The following EDN1 variants were observed in gnomAD, a reference collection of about 807,000 sequenced individuals.
EDN1 encodes the protein endothelin 1.
A neutral mutation model predicts 21.7 loss-of-function variants in EDN1; 11 were observed. The ratio of observed to expected loss-of-function variants is 0.51; its 90% CI spans 0.32 to 0.84. The LOEUF (loss-of-function observed/expected upper bound fraction) is 0.84. EDN1 is among the 40% of genes least tolerant of loss of function. The pLI, the probability that EDN1 is intolerant of heterozygous loss-of-function variation, is 0.03. For missense variants in EDN1, 244 were observed against 262.3 expected (o/e 0.93, Z 0.48); for synonymous variants, 85 against 90.6 (o/e 0.94, Z 0.35).
chr6:12,284,759 GAAAGAAAGAAA>G, the EDN1 span, among the ~76,000 whole-genome samples: 2 of 149,786 alleles, frequency 1.3e-5, no homozygotes, highest in Non-Finnish European at 3.0e-5. Context: ...AAGAAAGAAA[GAAAGAAAGAAA>G]GAAAGAAAGA....
At chr6:12,251,369 C>T in the EDN1 span, among the ~76,000 whole-genome samples, 1 of 152,158 alleles carries the variant, frequency 6.6e-6, no homozygotes, top group East Asian at 1.9e-4. Flanking sequence ...CACTATTTAA[C>T]GTGAATCAAT....
At chr6:12,270,524 C>A in the EDN1 span, among the ~76,000 whole-genome samples, 10 of 151,814 alleles carry the variant, frequency 6.6e-5, no homozygotes, top group African/African-American at 2.4e-4. Flanking sequence ...TTTTTAATTT[C>A]TTTATTGACC....
chr6:12,238,221 T>A, the EDN1 span, among the ~76,000 whole-genome samples: 1 of 151,488 alleles, frequency 6.6e-6, no homozygotes. Flanking sequence ...GAAAACCAAT[T>A]TAAGTCCGTG....
chr6:12,296,373 G>A lies in EDN1; in HGVS notation c.*306G>A. ...TGGCATCCTCCGGAGAGAGAGAGAG[G>A]AAGGAGATTCCACACAGGGGTGGAG... On this transcript the variant is annotated 3_prime_UTR_variant, in exon 5 of 5. Coordinates refer to ENST00000379375, the MANE Select transcript of EDN1 (RefSeq NM_001955.5). The A allele has an allele frequency of 2.9e-6, 1 of 339,628 alleles. No individual in the cohort carries two copies. The highest frequency in any genetic ancestry group is 5.7e-6 in the Non-Finnish European group (1 of 174,182). 21.0% of individuals were successfully genotyped at this position (339,628 alleles called of 1,614,324 possible). A position where few individuals can be genotyped will look rare whatever the true frequency, so the allele number is the denominator to read the frequency against.
At chr6:12,289,193 T>C (rs1171652280), upstream of EDN1, among the ~76,000 whole-genome samples, 1 of 152,210 alleles carries the variant, frequency 6.6e-6, no homozygotes, top group Non-Finnish European at 1.5e-5. Flanking sequence ...AAACACATTA[T>C]TAAATGTGAA....
chr6:12,290,314 T>C (rs1762637971), upstream of EDN1: 1 of 404,336 alleles, frequency 2.5e-6, no homozygotes, highest in African/African-American at 2.0e-5. Flanking sequence ...TTACCCCCAC[T>C]CTAATAGGGG....
At chr6:12,232,216 A>G in the EDN1 span, among the ~76,000 whole-genome samples, 331 of 147,608 alleles carry the variant, frequency 2.2e-3, no homozygotes, top group Middle Eastern at 0.014. Flanking sequence ...ATAATAAAGT[A>G]TATGTTATAA....
chr6:12,292,190 A>G, intron 1 of EDN1, 151 bp from the exon 2 acceptor site: 1 of 1,127,442 alleles, frequency 8.9e-7, no homozygotes, highest in South Asian at 1.3e-5. Flanking sequence ...GAAAAAAATA[A>G]AGAGCCCTTT....
At chr6:12,247,865 T>A in the EDN1 span, among the ~76,000 whole-genome samples, 22 of 152,180 alleles carry the variant, frequency 1.4e-4, no homozygotes, top group African/African-American at 5.1e-4. Flanking sequence ...ATTTACATCC[T>A]TCTTATAGAC....
chr6:12,277,249 T>C, the EDN1 span, among the ~76,000 whole-genome samples: 4 of 152,240 alleles, frequency 2.6e-5, no homozygotes, highest in South Asian at 4.1e-4. Context: ...ATTGATAAGA[T>C]TGGGAAGGAA....
chr6:12,261,664 T>C, the EDN1 span, among the ~76,000 whole-genome samples: 1 of 152,082 alleles, frequency 6.6e-6, no homozygotes, highest in Admixed American at 6.5e-5. Flanking sequence ...GTGTGGGAGA[T>C]GAGTAGATGC....
chr6:12,261,957 T>G, the EDN1 span, among the ~76,000 whole-genome samples: 17 of 152,152 alleles, frequency 1.1e-4, no homozygotes, highest in Non-Finnish European at 2.2e-4. Flanking sequence ...GGAGAAATTC[T>G]GGGAGTTGAG....
the EDN1 span, among the ~76,000 whole-genome samples, chr6:12,241,180 T>TA: frequency 2.1e-3 from 317 of 151,080 alleles, no homozygotes; most frequent in South Asian, 5.7e-3. Flanking sequence ...TTTTTTTTTT[T>TA]ATTGAGATGG....
rs1388147180 is a variant in EDN1 at position 12,290,511 on chromosome 6, C to CTTTGAGATCGCTT, written c.-118_-117insTTGAGATCGCTTT. ...TCTCCCCGTTAAAAGGGCACTTGGG[C>CTTTGAGATCGCTT]TGAAGGATCGCTTTGAGATCTGAGG... On this transcript the variant is annotated 5_prime_UTR_variant, in exon 1 of 5. Transcript: ENST00000379375. 4.1e-5 allele frequency: 34 copies of CTTTGAGATCGCTT among 837,644 alleles called. No homozygotes were observed. In the African/African-American group the frequency reaches 5.5e-4, roughly 14 times the overall value. 51.9% of individuals were successfully genotyped at this position (837,644 alleles called of 1,614,324 possible). A position where few individuals can be genotyped will look rare whatever the true frequency, so the allele number is the denominator to read the frequency against.
upstream of EDN1, among the ~76,000 whole-genome samples, chr6:12,285,565 C>G (rs139271496): frequency 6.6e-6 from 1 of 151,982 alleles, no homozygotes; most frequent in Non-Finnish European, 1.5e-5. Flanking sequence ...GATACATGTA[C>G]GAACATTTTT....
the EDN1 span, among the ~76,000 whole-genome samples, chr6:12,285,032 C>A: frequency 6.6e-6 from 1 of 152,122 alleles, no homozygotes; most frequent in African/African-American, 2.4e-5. Flanking sequence ...GAGGAGGCAG[C>A]CACTGGCTAT....
At chr6:12,255,898 A>T in the EDN1 span, among the ~76,000 whole-genome samples, 2 of 152,232 alleles carry the variant, frequency 1.3e-5, no homozygotes, top group South Asian at 4.1e-4. Flanking sequence ...CTCTCTAAAG[A>T]TATGTTGGAA....
chr6:12,263,758 T>C, the EDN1 span, among the ~76,000 whole-genome samples: 1 of 152,276 alleles, frequency 6.6e-6, no homozygotes, highest in Non-Finnish European at 1.5e-5. Context: ...GTTTTCTTTT[T>C]CTGAGTGGCT....
chr6:12,290,457 T>C lies in EDN1; in HGVS notation c.-173T>C, dbSNP rs1185894630. 1 of 635,372 alleles carries C rather than the reference T, an allele frequency of 1.6e-6. No homozygotes were observed. The highest frequency in any genetic ancestry group is 2.8e-5 in the East Asian group (1 of 35,762). The allele number at this position is 635,372 out of a possible 1,614,324, so 39.4% of individuals were successfully genotyped here. A position where few individuals can be genotyped will look rare whatever the true frequency, so the allele number is the denominator to read the frequency against. The stretch of plus-strand genomic sequence containing the variant: ...GTGCGCCTGCAGACGCTCCGCTCGC[T>C]GCCTTCTCTCCTGGCAGGCGCTGCC... On this transcript the variant is annotated 5_prime_UTR_variant, in exon 1 of 5. Transcript: ENST00000379375.
Sources: allele counts gnomAD v4.1 joint callset (sites outside exome capture counted in the v4.1 genomes callset), GRCh38; gene constraint gnomAD v4.1.1; transcripts MANE v1.5; gene names NCBI Gene and HGNC (gene_info 2026-07-23, HGNC 2026-07-21).